PTK2: variants seen among roughly 807,000 people sequenced by gnomAD.
PTK2 encodes protein tyrosine kinase 2.
PTK2 carries 45 observed loss-of-function variants against 150.1 expected under a neutral mutation model. The observed-to-expected ratio is 0.30, with a 90% CI of 0.24 to 0.38. PTK2 has a LOEUF of 0.38. Among genes scored for constraint, PTK2 ranks in the 10% least tolerant of loss-of-function variants. The pLI is 1.00. For missense variants in PTK2, 919 were observed against 1,307.3 expected (o/e 0.70, Z 4.58); for synonymous variants, 432 against 449.2 (o/e 0.96, Z 0.48).
intron 14 of PTK2, among the ~76,000 whole-genome samples, chr8:140,787,431 A>G (rs1423927652): frequency 6.6e-6 from 1 of 152,200 alleles, no homozygotes; most frequent in Non-Finnish European, 1.5e-5. Flanking sequence ...GGAACACAGT[A>G]CTCATAAAAT....
chr8:140,671,295 C>T (rs746975064), intron 29 of PTK2, among the ~76,000 whole-genome samples: 101 of 152,224 alleles, frequency 6.6e-4, no homozygotes, highest in Non-Finnish European at 1.3e-3. Flanking sequence ...GATCTCAGCT[C>T]ACCACAACCA....
At chr8:140,927,219 A>C (rs1199271132) in intron 1 of PTK2, 1 of 152,266 alleles carries the variant, frequency 6.6e-6, no homozygotes, top group Non-Finnish European at 1.5e-5. Context: ...CTTAACGCTA[A>C]CATTGCCCAA....
chr8:140,995,934 C>T (rs531588333), intron 1 of PTK2, among the ~76,000 whole-genome samples: 1 of 152,120 alleles, frequency 6.6e-6, no homozygotes, highest in African/African-American at 2.4e-5. Context: ...AGTAAAACAG[C>T]CTTAGCCGGG....
intron 14 of PTK2, among the ~76,000 whole-genome samples, chr8:140,780,367 G>C (rs921215969): frequency 3.3e-5 from 5 of 152,114 alleles, no homozygotes; most frequent in Non-Finnish European, 7.4e-5. Flanking sequence ...AGAACAACCA[G>C]ATGTACATCA....
chr8:140,793,049 A>G (rs1016643111), intron 13 of PTK2, among the ~76,000 whole-genome samples: 1 of 152,252 alleles, frequency 6.6e-6, no homozygotes, highest in African/African-American at 2.4e-5. Context: ...AGAATGCCAC[A>G]TATTTTCAGG....
rs547814537 is a variant in PTK2, at chr8:140,668,532, G to A, written c.2710-108C>T. 4.0e-5 allele frequency: 51 copies of A among 1,286,296 alleles called. No individual in the cohort carries two copies. The African/African-American group carries it at 6.9e-4, about 17-fold the overall frequency. 79.7% of individuals were successfully genotyped at this position (1,286,296 alleles called of 1,614,324 possible). A position where few individuals can be genotyped will look rare whatever the true frequency, so the allele number is the denominator to read the frequency against. Reference sequence around the variant, plus strand: ...CAAGAGATCAAAGCAGATTGCAGAAGGTCATTGATTTTCTTGTGTGTGCGG... The same window carrying A: ...CAAGAGATCAAAGCAGATTGCAGAAAGTCATTGATTTTCTTGTGTGTGCGG... On this transcript the variant is annotated intron_variant, in intron 29 of 31. Transcript: ENST00000522684.
chr8:140,729,459 C>T (rs1407161457), intron 22 of PTK2, among the ~76,000 whole-genome samples: 1 of 152,136 alleles, frequency 6.6e-6, no homozygotes, highest in African/African-American at 2.4e-5. Context: ...AAGCAAAATA[C>T]AACACACTCA....
intron 1 of PTK2, among the ~76,000 whole-genome samples, chr8:140,942,353 C>T (rs772988573): frequency 1.3e-5 from 2 of 152,182 alleles, no homozygotes; most frequent in Non-Finnish European, 2.9e-5. Flanking sequence ...GCTACAAGAA[C>T]TTGAGCAACA....
chr8:140,958,490 C>CGAGGCTTGGCA (rs1405656473), intron 1 of PTK2, among the ~76,000 whole-genome samples: 1 of 152,048 alleles, frequency 6.6e-6, no homozygotes, highest in Non-Finnish European at 1.5e-5. Context: ...TGTAGCATAA[C>CGAGGCTTGGCA]TCATCGATTT....
At chr8:140,799,454 T>C (rs1037734697) in intron 12 of PTK2, among the ~76,000 whole-genome samples, 1 of 152,226 alleles carries the variant, frequency 6.6e-6, no homozygotes, top group African/African-American at 2.4e-5. Context: ...GAAGGGGTAT[T>C]GGCAAAACCC....
intron 13 of PTK2, among the ~76,000 whole-genome samples, chr8:140,792,413 T>C (rs931559374): frequency 3.3e-5 from 5 of 152,346 alleles, no homozygotes; most frequent in South Asian, 2.1e-4. Flanking sequence ...GTGGCCTCCA[T>C]TGGGAAGGGA....
At chr8:140,987,113 G>A (rs2100193566) in intron 1 of PTK2, among the ~76,000 whole-genome samples, 1 of 152,056 alleles carries the variant, frequency 6.6e-6, no homozygotes, top group African/African-American at 2.4e-5. Flanking sequence ...GTATGTATCT[G>A]ATAAACAATT....
At chr8:140,965,224 A>G (rs2100184828) in intron 1 of PTK2, among the ~76,000 whole-genome samples, 1 of 152,108 alleles carries the variant, frequency 6.6e-6, no homozygotes, top group Non-Finnish European at 1.5e-5. Flanking sequence ...TGAATCCTAC[A>G]CTCTGGCAAA....
rs200536728 is a variant in PTK2, at chr8:140,820,582, CTTT to C, written c.649-1565_649-1563del. The stretch of plus-strand genomic sequence containing the variant: ...TCAGACCCTACCTTTCTTTCTTCTT[CTTT>C]TTTTTTTTTTTTTCCAGAGTAACTG... On this transcript the variant is annotated intron_variant, in intron 8 of 31. Coordinates refer to ENST00000522684, the Ensembl canonical transcript of PTK2. 610 of 143,108 alleles carry C rather than the reference CTTT, an allele frequency of 4.3e-3. 3 individuals are homozygous for C. Among genetic ancestry groups the C allele is most frequent in the African/African-American group, 0.013 (521 of 39,492 alleles). 8.9% of individuals were successfully genotyped at this position (143,108 alleles called of 1,614,324 possible).
chr8:140,672,941 C>T (rs2100011486), intron 29 of PTK2, among the ~76,000 whole-genome samples: 1 of 152,186 alleles, frequency 6.6e-6, no homozygotes, highest in South Asian at 2.1e-4. Context: ...ACCACCAGTC[C>T]TGTGAGGTTC....
At chr8:140,895,191 A>T (rs968366913) in intron 2 of PTK2, among the ~76,000 whole-genome samples, 2 of 152,208 alleles carry the variant, frequency 1.3e-5, no homozygotes, top group Non-Finnish European at 2.9e-5. Context: ...GTGAAAAGAA[A>T]TATCAAAACT....
Position 140,833,295 on chromosome 8 carries a change from C to T in PTK2, c.594-2769G>A, listed in dbSNP as rs1048705438. The stretch of plus-strand genomic sequence containing the variant: ...TCCATATGTTAGAACTTTTTTGATA[C>T]CTGGCAGTTGAGAAAATAAAAATGA... On this transcript the variant is annotated intron_variant, in intron 7 of 31. Coordinates refer to ENST00000522684, the Ensembl canonical transcript of PTK2. Among the ~76,000 whole-genome samples the T allele has an allele frequency of 2.6e-5, 4 of 151,840 alleles. No individual in the cohort carries two copies. In the South Asian group the frequency reaches 8.3e-4, roughly 31 times the overall value.
intron 23 of PTK2, among the ~76,000 whole-genome samples, chr8:140,712,285 A>G (rs907341553): frequency 6.6e-6 from 1 of 151,974 alleles, no homozygotes; most frequent in African/African-American, 2.4e-5. Flanking sequence ...ATCTGCTTTA[A>G]TGTTAGGCTT....
intron 2 of PTK2, among the ~76,000 whole-genome samples, chr8:140,904,871 T>C (rs1274484290): frequency 5.9e-5 from 9 of 152,154 alleles, no homozygotes; most frequent in African/African-American, 2.2e-4. Flanking sequence ...TTATTGTGTC[T>C]CTTTGATTCT....
Sources: allele counts gnomAD v4.1 joint callset (sites outside exome capture counted in the v4.1 genomes callset), GRCh38; gene constraint gnomAD v4.1.1; transcripts MANE v1.5; gene names NCBI Gene and HGNC (gene_info 2026-07-23, HGNC 2026-07-21).